MLLT1: variants seen among roughly 807,000 people sequenced by gnomAD.
MLLT1 encodes the protein MLLT1 super elongation complex subunit.
Under a neutral mutation model 55.1 loss-of-function variants are expected in MLLT1, and 11 were observed. The observed-to-expected ratio is 0.20, with a 90% CI of 0.13 to 0.33. The LOEUF (loss-of-function observed/expected upper bound fraction) is 0.33. Among genes scored for constraint, MLLT1 ranks in the 10% least tolerant of loss-of-function variants. The probability of loss-of-function intolerance (pLI) is 1.00; values close to 1 mark genes in which losing one functional copy is unlikely to be tolerated. For missense variants in MLLT1, 536 were observed against 760.6 expected, an observed-to-expected ratio of 0.70 and a Z score of 3.47; for synonymous variants, 323 against 320.1, an observed-to-expected ratio of 1.01 and a Z score of -0.10.
At position 6,219,717 on chromosome 19, in the gene MLLT1, C is replaced by T. The variant is rs562014805; in HGVS notation, c.1111-1676G>A. Among the ~76,000 whole-genome samples the T allele has an allele frequency of 3.4e-4, 52 of 152,292 alleles. No homozygotes were observed. The highest frequency in any genetic ancestry group is 6.8e-3 in the Middle Eastern group (2 of 294). On this transcript the variant is annotated intron_variant, in intron 6 of 11. Transcript: ENST00000252674. The surrounding 1 kb of genome is among the most constrained non-coding windows in gnomAD (Gnocchi z 4.5). Reference sequence around the variant, plus strand: ...CAAGGTCCTGGCCCCATATCCCATGCACTTTCTCACTAAAGGTGGAGAGGG... The same window carrying T: ...CAAGGTCCTGGCCCCATATCCCATGTACTTTCTCACTAAAGGTGGAGAGGG...
intron 3 of MLLT1, among the ~76,000 whole-genome samples, chr19:6,255,221 A>G (rs1021383763): frequency 6.6e-6 from 1 of 152,234 alleles, no homozygotes; most frequent in African/African-American, 2.4e-5. Flanking sequence ...GGCCAGGCAC[A>G]GTGGCTCATG....
Position 6,230,067 on chromosome 19 carries a change from G to GGTCCC in MLLT1, c.420+502_420+503insGGGAC, listed in dbSNP as rs2090993968. Among the ~76,000 whole-genome samples the GGTCCC allele has an allele frequency of 6.6e-6, 1 of 152,058 alleles. No homozygotes were observed. Among genetic ancestry groups the GGTCCC allele is most frequent in the Non-Finnish European group, 1.5e-5 (1 of 68,006 alleles). ...CCACCCTGTTGCCAAGAGCCCTCGT[G>GGTCCC]GGGAACTCTGAGCCCCCACAGGGTC... On this transcript the variant is annotated intron_variant, in intron 4 of 11. Coordinates refer to ENST00000252674, the MANE Select transcript of MLLT1 (RefSeq NM_005934.4). The surrounding 1 kb of genome is among the most constrained non-coding windows in gnomAD (Gnocchi z 9.0).
chr19:6,218,725 T>C (rs949937419), intron 6 of MLLT1, among the ~76,000 whole-genome samples: 1 of 152,156 alleles, frequency 6.6e-6, no homozygotes, highest in South Asian at 2.1e-4. Context: ...AGGGTGACAG[T>C]GCAGGGCAGG....
chr19:6,213,574 C>A, intron 10 of MLLT1, 152 bp downstream of exon 10: 1 of 970,746 alleles, frequency 1.0e-6, no homozygotes, highest in Non-Finnish European at 1.6e-6. Context: ...AGCTCCAAGG[C>A]CACACCGGGA....
chr19:6,224,672 A>G (rs35255991), intron 5 of MLLT1, among the ~76,000 whole-genome samples: 43,039 of 152,240 alleles, frequency 0.28, 7,096 homozygotes, highest in African/African-American at 0.45. Flanking sequence ...ACACAGGAGC[A>G]CAGGCACCCG....
rs1246958658 is a variant in MLLT1 at position 6,235,761 on chromosome 19, C to T, written c.277-5048G>A. On this transcript the variant is annotated intron_variant, in intron 3 of 11. Coordinates refer to ENST00000252674, the MANE Select transcript of MLLT1 (RefSeq NM_005934.4). The surrounding 1 kb of genome is among the most constrained non-coding windows in gnomAD (Gnocchi z 5.5). ...GGTATCTCCATGGGCTCAGGGCTCACCCTAGCCCACCAATGGCCTCGATGA... is the reference window on the plus strand; with the variant it reads ...GGTATCTCCATGGGCTCAGGGCTCATCCTAGCCCACCAATGGCCTCGATGA... Among the ~76,000 whole-genome samples, 1 of 152,194 alleles carries T rather than the reference C, an allele frequency of 6.6e-6. No individual in the cohort carries two copies. The highest frequency in any genetic ancestry group is 1.5e-5 in the Non-Finnish European group (1 of 68,014).
chr19:6,244,374 A>C (rs2091146964), intron 3 of MLLT1, among the ~76,000 whole-genome samples: 1 of 151,924 alleles, frequency 6.6e-6, no homozygotes, highest in African/African-American at 2.4e-5. Context: ...TAAAAAAAAA[A>C]AAACCCTCAT....
At chr19:6,220,306 C>T (rs1042263440) in intron 6 of MLLT1, among the ~76,000 whole-genome samples, 13 of 152,210 alleles carry the variant, frequency 8.5e-5, no homozygotes, top group African/African-American at 2.9e-4. Context: ...GTGAAGCCCC[C>T]GGGGGAAGAG....
chr19:6,249,625 T>G (rs2091197429), intron 3 of MLLT1, among the ~76,000 whole-genome samples: 1 of 152,156 alleles, frequency 6.6e-6, no homozygotes, highest in African/African-American at 2.4e-5. Flanking sequence ...GATCCCCCCT[T>G]GAAGAGCTGG....
In MLLT1 at chr19:6,262,096, C is replaced by T. The variant is rs551919769; in HGVS notation, c.276+132G>A. On this transcript the variant is annotated intron_variant, in intron 3 of 11. Coordinates refer to ENST00000252674, the MANE Select transcript of MLLT1 (RefSeq NM_005934.4). This position sits in a 1 kb window ranked among gnomAD's most constrained non-coding sequence, Gnocchi z 4.4. ...GGAATGGAGATGGTGACCAGCACCC[C>T]CCGCAGCACTCACTGGAATGTCTGT... is the stretch of plus-strand genomic sequence containing the variant. 5.7e-6 allele frequency: 4 copies of T among 701,326 alleles called. No homozygotes were observed. The highest frequency in any genetic ancestry group is 2.7e-5 in the East Asian group (1 of 37,498). The allele number at this position is 701,326 out of a possible 1,614,324, so 43.4% of individuals were successfully genotyped here.
At position 6,256,077 on chromosome 19, in the gene MLLT1, C is replaced by T. The variant is rs767154417; in HGVS notation, c.276+6151G>A. Among the ~76,000 whole-genome samples, 46 of 152,254 alleles carry T rather than the reference C, an allele frequency of 3.0e-4. No homozygotes were observed. The highest frequency in any genetic ancestry group is 5.6e-4 in the Non-Finnish European group (38 of 68,028). On this transcript the variant is annotated intron_variant, in intron 3 of 11. Coordinates refer to ENST00000252674, the MANE Select transcript of MLLT1 (RefSeq NM_005934.4). This position sits in a 1 kb window ranked among gnomAD's most constrained non-coding sequence, Gnocchi z 4.1. ...CTAAAAATGCAAAAAATTAGCCAGA[C>T]ACGGTGGCAGGCACCTGTAATCCCA... is the stretch of plus-strand genomic sequence containing the variant.
rs922394516 is a variant in MLLT1 at position 6,263,990 on chromosome 19, C to T, written c.194-1680G>A. Among the ~76,000 whole-genome samples the T allele has an allele frequency of 3.9e-5, 6 of 152,196 alleles. No individual in the cohort carries two copies. In the East Asian group the frequency reaches 9.7e-4, roughly 25 times the overall value. On this transcript the variant is annotated intron_variant, in intron 2 of 11. Transcript: ENST00000252674. ...GACTGCCACTGCGGGGCCTGAGCTT[C>T]TCCCTGGGGTGACAGCAATGTTCTG...
chr19:6,258,147 G>C (rs570603523), intron 3 of MLLT1, among the ~76,000 whole-genome samples: 49 of 152,260 alleles, frequency 3.2e-4, no homozygotes, highest in African/African-American at 9.1e-4. Flanking sequence ...TATACACCCA[G>C]AGGAACTGAA....
chr19:6,225,428 C>T (rs952554166), intron 5 of MLLT1, among the ~76,000 whole-genome samples: 6 of 152,218 alleles, frequency 3.9e-5, no homozygotes, highest in African/African-American at 9.6e-5. Flanking sequence ...CAAAGGAGGT[C>T]GCTCAGCTGG....
rs2144973843 is a variant in MLLT1 at position 6,279,940 on chromosome 19, C to A, written c.-156G>T. ...CGGCCGCCCGCTCGCCCGCCAGCCC[C>A]GCGGAACCGGAAACCACCGCCAGCC... is the stretch of plus-strand genomic sequence containing the variant. On this transcript the variant is annotated 5_prime_UTR_variant, in exon 1 of 12. Transcript: ENST00000252674. 1 of 166,170 alleles carries A rather than the reference C, an allele frequency of 6.0e-6. No individual in the cohort carries two copies. Among genetic ancestry groups the A allele is most frequent in the Non-Finnish European group, 1.2e-5 (1 of 80,606 alleles). 10.3% of individuals were successfully genotyped at this position (166,170 alleles called of 1,614,324 possible). A position where few individuals can be genotyped will look rare whatever the true frequency, so the allele number is the denominator to read the frequency against.
Position 6,226,933 on chromosome 19 carries a change from G to A in MLLT1, c.546+44C>T. On this transcript the variant is annotated intron_variant, in intron 5 of 11. Transcript: ENST00000252674. This position sits in a 1 kb window ranked among gnomAD's most constrained non-coding sequence, Gnocchi z 6.3. Reference sequence around the variant, plus strand: ...CGCCGGGGCCAGACCCACCACAGCTGGGCCCCGGCGCTCCCACGCGACTGG... The same window carrying A: ...CGCCGGGGCCAGACCCACCACAGCTAGGCCCCGGCGCTCCCACGCGACTGG... 6.7e-7 allele frequency: 1 copy of A among 1,500,416 alleles called. No homozygotes were observed. Among genetic ancestry groups the A allele is most frequent in the Non-Finnish European group, 8.9e-7 (1 of 1,125,634 alleles). 92.9% of individuals were successfully genotyped at this position (1,500,416 alleles called of 1,614,324 possible). A position where few individuals can be genotyped will look rare whatever the true frequency, so the allele number is the denominator to read the frequency against.
At position 6,279,820 on chromosome 19, in the gene MLLT1, G is replaced by A; in HGVS notation, c.-36C>T. On this transcript the variant is annotated 5_prime_UTR_variant, in exon 1 of 12. Transcript: ENST00000252674. ...CCGCCCCGCCCCCGGGCCCCGCGTC[G>A]CTCGCCGCCGCCGCCGCCGCCGCCG... 2 of 152,312 alleles carry A rather than the reference G, an allele frequency of 1.3e-5. No individual in the cohort carries two copies. The highest frequency in any genetic ancestry group is 2.8e-5 in the Non-Finnish European group (2 of 70,866). 9.4% of individuals were successfully genotyped at this position (152,312 alleles called of 1,614,324 possible).
intron 3 of MLLT1, among the ~76,000 whole-genome samples, chr19:6,244,262 C>T (rs1358167251): frequency 6.6e-6 from 1 of 151,856 alleles, no homozygotes; most frequent in Non-Finnish European, 1.5e-5. Flanking sequence ...TTGGTCTTCA[C>T]TGGGCCTAGA....
rs573730858 is a variant in MLLT1 at position 6,227,273 on chromosome 19, G to A, written c.421-171C>T. Among the ~76,000 whole-genome samples, 1 of 152,258 alleles carries A rather than the reference G, an allele frequency of 6.6e-6. No homozygotes were observed. Among genetic ancestry groups the A allele is most frequent in the South Asian group, 2.1e-4 (1 of 4,824 alleles). On this transcript the variant is annotated intron_variant, in intron 4 of 11. Transcript: ENST00000252674. This position sits in a 1 kb window ranked among gnomAD's most constrained non-coding sequence, Gnocchi z 5.1. ...CTGCTGGGGACTGGGTGCTGAGCAC[G>A]CAGAAGAAGCAGGCATGGGTGGGGA...
Sources: gnomAD v4.1 joint callset for allele counts (sites outside exome capture counted in the v4.1 genomes callset) on GRCh38, gnomAD v4.1.1 for gene constraint, Gnocchi (gnomAD v3.1) non-coding constraint, MANE v1.5 for transcripts, NCBI Gene and HGNC (gene_info 2026-07-23, HGNC 2026-07-21) for gene names.